The following RFX8 variants were observed in gnomAD, a reference collection of about 807,000 sequenced individuals.
RFX8 encodes regulatory factor X8, also known as DNA-binding protein RFX8.
RFX8 carries 46 observed loss-of-function variants against 54.6 expected under a neutral mutation model. That is an observed-to-expected ratio of 0.84 (90% CI 0.67 to 1.08). The LOEUF (loss-of-function observed/expected upper bound fraction) is 1.08. Ranked by LOEUF, RFX8 falls within the 50% of genes least tolerant of loss-of-function variation. The pLI, the probability that RFX8 is intolerant of heterozygous loss-of-function variation, is 0.00. For missense variants in RFX8, 536 were observed against 562.3 expected (o/e 0.95, Z 0.47); for synonymous variants, 192 against 209.5 (o/e 0.92, Z 0.72).
chr2:101,430,912 A>G (rs1478326376), intron 2 of RFX8, among the ~76,000 whole-genome samples: 1 of 152,236 alleles, frequency 6.6e-6, no homozygotes, highest in Non-Finnish European at 1.5e-5. Flanking sequence ...CAGAAAAGAA[A>G]TTTAATCAGC....
intron 2 of RFX8, among the ~76,000 whole-genome samples, chr2:101,444,141 C>T (rs1484303209): frequency 6.6e-6 from 1 of 152,196 alleles, no homozygotes; most frequent in Non-Finnish European, 1.5e-5. Context: ...TCCCTCCTTA[C>T]ACCAAGGGGC....
At chr2:101,413,440 C>T (rs1026687405) in intron 7 of RFX8, among the ~76,000 whole-genome samples, 1 of 152,090 alleles carries the variant, frequency 6.6e-6, no homozygotes, top group Non-Finnish European at 1.5e-5. Flanking sequence ...GGAGCGGCTG[C>T]GGGATTCGGA....
chr2:101,439,598 T>TC (rs1467432481), intron 2 of RFX8, among the ~76,000 whole-genome samples: 1 of 146,496 alleles, frequency 6.8e-6, no homozygotes, highest in Non-Finnish European at 1.5e-5. Context: ...TTGAAGTTCA[T>TC]TTTTTTTTTT....
intron 2 of RFX8, among the ~76,000 whole-genome samples, chr2:101,435,558 G>A (rs1054523765): frequency 2.0e-5 from 3 of 152,042 alleles, no homozygotes; most frequent in East Asian, 1.9e-4. Context: ...ATATACACAC[G>A]TACTCACACA....
At chr2:101,417,787 G>T in intron 5 of RFX8, 103 bp from the exon 6 acceptor site, 2 of 917,706 alleles carry the variant, frequency 2.2e-6, no homozygotes, top group Non-Finnish European at 3.2e-6. Flanking sequence ...AAGTCTGAGA[G>T]CGGGTCCCCA....
chr2:101,449,150 G>C (rs1356476324), intron 2 of RFX8, among the ~76,000 whole-genome samples: 1 of 149,220 alleles, frequency 6.7e-6, no homozygotes, highest in Non-Finnish European at 1.5e-5. Context: ...AGTGAGTGTG[G>C]CTTAAATTAT....
intron 8 of RFX8, 99 bp from the exon 9 acceptor site, chr2:101,410,812 C>A: frequency 3.0e-6 from 2 of 661,060 alleles, no homozygotes; most frequent in Admixed American, 2.6e-5. Flanking sequence ...CATCACTGAA[C>A]AATAGCTCGA....
intron 10 of RFX8, among the ~76,000 whole-genome samples, chr2:101,404,308 A>G (rs7577705): frequency 0.22 from 33,698 of 152,154 alleles, 4,123 homozygotes; most frequent in African/African-American, 0.31. Context: ...CGTCTTTCCT[A>G]TTTAACCTTG....
chr2:101,405,144 A>G (rs1419582725), intron 10 of RFX8, among the ~76,000 whole-genome samples: 1 of 148,690 alleles, frequency 6.7e-6, no homozygotes, highest in Non-Finnish European at 1.5e-5. Flanking sequence ...CCTTCCTATA[A>G]TCCTTTTTTT....
chr2:101,414,040 C>T (rs1009604464), intron 7 of RFX8, among the ~76,000 whole-genome samples: 1 of 152,166 alleles, frequency 6.6e-6, no homozygotes, highest in Non-Finnish European at 1.5e-5. Context: ...AGCCGGGTGC[C>T]AGCATCATAG....
At chr2:101,405,799 T>C (rs1283251868) in intron 10 of RFX8, 144 bp downstream of exon 10, 4 of 468,390 alleles carry the variant, frequency 8.5e-6, no homozygotes, top group African/African-American at 2.0e-5. Flanking sequence ...TCGTGTTGTA[T>C]GGTTTGCTGT....
At position 101,402,564 on chromosome 2, in the gene RFX8, C is replaced by A. The variant is rs79223800; in HGVS notation, c.1117G>T (p.Ala373Ser). The A allele has an allele frequency of 6.4e-7, 1 of 1,551,880 alleles. No homozygotes were observed. The highest frequency in any genetic ancestry group is 2.0e-5 in the Admixed American group (1 of 51,016). ...SLNSSLSQAC[A>S]SPSMEPLGVM... The stretch of plus-strand genomic sequence containing the variant: ...CCCAGTGGCTCCATGCTGGGGCTGG[C>A]ACACGCCTGCGACAGTGAGGAATTC... The change falls in exon 11 of 12, where the codon GCC (alanine) becomes TCC (serine). Residue 373 changes from alanine (A) to serine (S), a missense_variant. Physicochemically the swap from Ala to Ser is moderately conservative, Grantham distance 99. Coordinates refer to ENST00000428343, the MANE Select transcript of RFX8 (RefSeq NM_001145664.2).
intron 2 of RFX8, among the ~76,000 whole-genome samples, chr2:101,426,643 G>T (rs1352764162): frequency 1.3e-5 from 2 of 152,194 alleles, no homozygotes. Context: ...TGCAGTTTGA[G>T]ATTTTGACAG....
chr2:101,434,484 T>C (rs1458837588), intron 2 of RFX8, among the ~76,000 whole-genome samples: 1 of 152,204 alleles, frequency 6.6e-6, no homozygotes, highest in Non-Finnish European at 1.5e-5. Context: ...CACGATCACC[T>C]TCTTGAGGCA....
intron 11 of RFX8, among the ~76,000 whole-genome samples, chr2:101,399,844 T>C (rs1045586026): frequency 6.6e-6 from 1 of 152,156 alleles, no homozygotes; most frequent in African/African-American, 2.4e-5. Context: ...GATTTGAAGG[T>C]ATTTTTAGTA....
intron 2 of RFX8, among the ~76,000 whole-genome samples, chr2:101,423,888 A>G (rs4241208): frequency 0.94 from 143,493 of 152,160 alleles, 67,954 homozygotes; most frequent in Non-Finnish European, 0.99. Flanking sequence ...TGAGGATCAC[A>G]GAAGTTTAGA....
chr2:101,463,709 C>G (rs1298697733), intron 2 of RFX8, among the ~76,000 whole-genome samples: 1 of 152,126 alleles, frequency 6.6e-6, no homozygotes, highest in African/African-American at 2.4e-5. Flanking sequence ...CCGCCTGCCC[C>G]CAGAGCCTGC....
At chr2:101,474,367 C>A in intron 1 of RFX8, 1 of 411,228 alleles carries the variant, frequency 2.4e-6, no homozygotes, top group Non-Finnish European at 4.3e-6. Context: ...CGCCGCTCCT[C>A]GGTGTTTACT....
chr2:101,404,704 G>A (rs1685631656), intron 10 of RFX8, among the ~76,000 whole-genome samples: 1 of 152,032 alleles, frequency 6.6e-6, no homozygotes, highest in African/African-American at 2.4e-5. Flanking sequence ...TGGGATTACA[G>A]GTGTGAGCCA....
Sources: allele counts gnomAD v4.1 joint callset (sites outside exome capture counted in the v4.1 genomes callset), GRCh38; gene constraint gnomAD v4.1.1; transcripts MANE v1.5; gene names NCBI Gene and HGNC (gene_info 2026-07-23, HGNC 2026-07-21).